Variants in NOTCH1 observed in about 807,000 individuals in gnomAD.
NOTCH1 encodes notch receptor 1.
Under a neutral mutation model 254.8 loss-of-function variants are expected in NOTCH1, and 37 were observed. The observed-to-expected ratio is 0.15, with a 90% CI of 0.11 to 0.19. NOTCH1 has a LOEUF of 0.19. Ranked by LOEUF, NOTCH1 falls within the 10% of genes least tolerant of loss-of-function variation. NOTCH1 has a pLI of 1.00. For synonymous variants in NOTCH1, 1,731 were observed against 1,618.1 expected (o/e 1.07, Z -1.68); for missense variants, 2,972 against 3,708.6 (o/e 0.80, Z 5.16).
At chr9:136,528,837 G>C (rs560266981) in intron 2 of NOTCH1, among the ~76,000 whole-genome samples, 72 of 152,202 alleles carry the variant, frequency 4.7e-4, no homozygotes, top group Admixed American at 7.8e-4. Flanking sequence ...GCAATAAATG[G>C]GGGTCTTCTC....
intron 16 of NOTCH1, among the ~76,000 whole-genome samples, 165 bp downstream of exon 16, chr9:136,510,987 G>A (rs1843172743): frequency 1.3e-5 from 2 of 152,218 alleles, no homozygotes; most frequent in Admixed American, 1.3e-4. Context: ...GTTGGGAACG[G>A]TGCTCCCAGG....
At chr9:136,517,530 G>T in intron 8 of NOTCH1, 145 bp from the exon 9 acceptor site, 1 of 818,600 alleles carries the variant, frequency 1.2e-6, no homozygotes, top group Non-Finnish European at 2.0e-6. Context: ...CTCCCCTGCA[G>T]CCCGTGGCCC....
rs1843074002 is a variant in NOTCH1 at position 136,505,778 on chromosome 9, A to C, written c.4118T>G (p.Leu1373Arg). Residue 1373 changes from leucine to arginine, a missense_variant, in exon 25 of 34, where the codon CTG (leucine) becomes CGG (arginine). Leu to Arg is a moderately radical substitution (Grantham distance 102). This residue lies in a region of NOTCH1 where 1,343 missense variants were observed against 1,557.0 expected (regional missense o/e 0.86). Transcript: ENST00000651671. ...GGGGCCCGTGAAGGGGCCCAGGCAC[A>C]GGCAGGTGGGGCTGCGCGGGCCGGA... is the stretch of plus-strand genomic sequence containing the variant. ...CISGPRSPTC[L>R]CLGPFTGPEC... The C allele has an allele frequency of 6.3e-7, 1 of 1,585,604 alleles. No homozygotes were observed. The highest frequency in any genetic ancestry group is 1.3e-5 in the African/African-American group (1 of 74,250).
At chr9:136,528,391 GTGGGGGGGGATGGGCAGGGACA>G in intron 2 of NOTCH1, among the ~76,000 whole-genome samples, 2 of 112,228 alleles carry the variant, frequency 1.8e-5, no homozygotes, top group African/African-American at 3.8e-5. Flanking sequence ...GGCAGGGACA[GTGGGGGGGGATGGGCAGGGACA>G]GTGCGGGGGG....
intron 9 of NOTCH1, 131 bp from the exon 10 acceptor site, chr9:136,516,225 G>C: frequency 1.4e-6 from 1 of 692,022 alleles, no homozygotes; most frequent in South Asian, 1.6e-5. Context: ...AGCTCAGCCA[G>C]CTCCAGCTCT....
chr9:136,518,040 C>T, intron 7 of NOTCH1, 97 bp downstream of exon 7: 1 of 1,558,488 alleles, frequency 6.4e-7, no homozygotes, highest in Non-Finnish European at 8.6e-7. Context: ...CATCCCCCAT[C>T]TAACTGGGCA....
chr9:136,509,235 C>T (rs1843138952), intron 18 of NOTCH1, among the ~76,000 whole-genome samples, 164 bp from the exon 19 acceptor site: 1 of 152,186 alleles, frequency 6.6e-6, no homozygotes, highest in South Asian at 2.1e-4. Context: ...CAGTGGGAAC[C>T]CGGGGCCCGG....
chr9:136,496,842 G>A lies in NOTCH1; in HGVS notation c.6897C>T (p.Gly2299=), dbSNP rs201643432. Residue 2299 remains glycine (G), a synonymous_variant, in exon 34 of 34, where the codon GGC becomes GGT. Transcript: ENST00000651671. ...SSGGALNFTV[G]GSTSLNGQCE... is the part of the protein sequence containing the mutation. ...ATTGACCATTCAAACTGGTGGACCC[G>A]CCCACAGTGAAATTCAGGGCCCCTC... 15 of 1,612,810 alleles carry A rather than the reference G, an allele frequency of 9.3e-6. No homozygotes were observed. The highest frequency in any genetic ancestry group is 5.0e-5 in the Admixed American group (3 of 60,010).
At position 136,494,611 on chromosome 9, in the gene NOTCH1, C is replaced by T. The variant is rs1842889898; in HGVS notation, c.*1460G>A. 7.5e-6 allele frequency: 3 copies of T among 398,902 alleles called. No individual in the cohort carries two copies. Among genetic ancestry groups the T allele is most frequent in the East Asian group, 7.1e-5 (2 of 28,214 alleles). 24.7% of individuals were successfully genotyped at this position (398,902 alleles called of 1,614,324 possible). A position where few individuals can be genotyped will look rare whatever the true frequency, so the allele number is the denominator to read the frequency against. On this transcript the variant is annotated 3_prime_UTR_variant, in exon 34 of 34. Transcript: ENST00000651671. Reference sequence around the variant, plus strand: ...CATCTTGGGACGCATCTGGTCATGCCCCCTGGGGATGGCACCACGCGGCCC... The same window carrying T: ...CATCTTGGGACGCATCTGGTCATGCTCCCTGGGGATGGCACCACGCGGCCC...
chr9:136,521,463 C>T (rs545975894), intron 4 of NOTCH1, among the ~76,000 whole-genome samples: 2 of 152,160 alleles, frequency 1.3e-5, no homozygotes, highest in Non-Finnish European at 2.9e-5. Context: ...GGTCCTCACC[C>T]ACCCTGCCCA....
Position 136,505,860 on chromosome 9 carries a change from C to T in NOTCH1, c.4036G>A (p.Glu1346Lys), listed in dbSNP as rs2133341246. 1.9e-6 allele frequency: 3 copies of T among 1,594,044 alleles called. No individual in the cohort carries two copies. The highest frequency in any genetic ancestry group is 2.5e-6 in the Non-Finnish European group (3 of 1,177,930). Reference protein sequence around the residue: ...CPAGFEGATCENDARTCGSLR... With the variant: ...CPAGFEGATCKNDARTCGSLR... The stretch of plus-strand genomic sequence containing the variant: ...CTGCCGCAGGTACGAGCGTCATTCT[C>T]ACACGTGGCGCCCTCGAAGCCCTGC... Residue 1346 changes from glutamate to lysine, a missense_variant, in exon 25 of 34, where the codon GAG (glutamate) becomes AAG (lysine). This residue lies in a region of NOTCH1 where 1,343 missense variants were observed against 1,557.0 expected (regional missense o/e 0.86). Transcript: ENST00000651671.
rs1182258911 is a variant in NOTCH1, at chr9:136,495,882, A to G, written c.*189T>C. The G allele has an allele frequency of 6.3e-6, 4 of 638,146 alleles. No homozygotes were observed. In the East Asian group the frequency reaches 1.1e-4, roughly 18 times the overall value. The allele number at this position is 638,146 out of a possible 1,614,324, so 39.5% of individuals were successfully genotyped here. On this transcript the variant is annotated 3_prime_UTR_variant, in exon 34 of 34. Transcript: ENST00000651671. ...CAGATAAAACAGTACATATAAATAA[A>G]AAGGCAGTGTTTCTGTGTAAAATAA...
chr9:136,520,430 G>A (rs1463241200), intron 4 of NOTCH1, among the ~76,000 whole-genome samples: 4 of 152,064 alleles, frequency 2.6e-5, no homozygotes, highest in African/African-American at 9.7e-5. Flanking sequence ...TCAGCTTGGG[G>A]AGCACCCAAA....
chr9:136,507,124 C>A (rs1415559135), intron 22 of NOTCH1, 151 bp from the exon 23 acceptor site: 1 of 1,448,464 alleles, frequency 6.9e-7, no homozygotes, highest in South Asian at 1.2e-5. Flanking sequence ...GACGCCCTTC[C>A]CACTGGGACC....
In NOTCH1 at chr9:136,496,635, C is replaced by A; in HGVS notation, c.7104G>T (p.Leu2368=). 2.5e-6 allele frequency: 4 copies of A among 1,613,096 alleles called. No homozygotes were observed. Among genetic ancestry groups the A allele is most frequent in the Non-Finnish European group, 3.4e-6 (4 of 1,179,980 alleles). ...ALSQMMSYQG[L]PSTRLATQPH... is the part of the protein sequence containing the mutation. Reference sequence around the variant, plus strand: ...GCTGGGTGGCCAGCCGGGTGCTGGGCAGGCCCTGGTAGCTCATCATCTGGG... The same window carrying A: ...GCTGGGTGGCCAGCCGGGTGCTGGGAAGGCCCTGGTAGCTCATCATCTGGG... Residue 2368 remains leucine, a synonymous_variant, in exon 34 of 34, where the codon CTG becomes CTT. Transcript: ENST00000651671.
In NOTCH1 at chr9:136,515,709, C is replaced by T. The variant is rs1391226025; in HGVS notation, c.1677G>A (p.Thr559=). The stretch of plus-strand genomic sequence containing the variant: ...CGATGTCCACCTCGCAGTGCGTCCC[C>T]GTGTACCCTGGACCGTGGGAGGGGC... ...TYTCVCTEGY[T]GTHCEVDIDE... Residue 559 remains threonine (T), a synonymous_variant, in exon 11 of 34, where the codon ACG becomes ACA. Transcript: ENST00000651671. The T allele has an allele frequency of 1.4e-5, 22 of 1,539,768 alleles. No individual in the cohort carries two copies. The highest frequency in any genetic ancestry group is 4.1e-5 in the African/African-American group (3 of 73,080).
chr9:136,503,377 C>T (rs2133333936), intron 26 of NOTCH1, 47 bp from the exon 27 acceptor site: 1 of 1,611,324 alleles, frequency 6.2e-7, no homozygotes, highest in Non-Finnish European at 8.5e-7. Context: ...CTTCCTCCTC[C>T]CCCGCCCACC....
At chr9:136,543,730 G>C (rs1564215794) in intron 2 of NOTCH1, 1 of 548,772 alleles carries the variant, frequency 1.8e-6, no homozygotes, top group African/African-American at 1.9e-5. Flanking sequence ...CTGTTTCTTG[G>C]GGACTTAAAG....
Position 136,540,943 on chromosome 9 carries a change from T to C in NOTCH1, c.140+3081A>G, listed in dbSNP as rs1029656749. Among the ~76,000 whole-genome samples, 3 of 152,074 alleles carry C rather than the reference T, an allele frequency of 2.0e-5. No homozygotes were observed. Among genetic ancestry groups the C allele is most frequent in the South Asian group, 2.1e-4 (1 of 4,826 alleles). ...AAGGACGTAGTCTCACCCAGACAGA[T>C]AGGGTCCCTGCAGCTCTTCCCAGCT... On this transcript the variant is annotated intron_variant, in intron 2 of 33. Transcript: ENST00000651671. This position sits in a 1 kb window ranked among gnomAD's most constrained non-coding sequence, Gnocchi z 4.4.
Sources: gnomAD v4.1 joint callset for allele counts (sites outside exome capture counted in the v4.1 genomes callset) on GRCh38, gnomAD v4.1.1 for gene constraint, gnomAD v4.1.1 regional missense constraint, Gnocchi (gnomAD v3.1) non-coding constraint, MANE v1.5 for transcripts, NCBI Gene and HGNC (gene_info 2026-07-23, HGNC 2026-07-21) for gene names.